Variants in ZNF569 observed in about 807,000 individuals in gnomAD.
The protein encoded by ZNF569 is zinc finger protein 569.
In ZNF569, 38 loss-of-function variants were observed where a neutral mutation model predicts 56.3. The ratio of observed to expected loss-of-function variants is 0.68; its 90% confidence interval spans 0.52 to 0.88. The LOEUF (loss-of-function observed/expected upper bound fraction) is 0.88. ZNF569 is among the 40% of genes least tolerant of loss of function. The pLI is 0.00. For missense variants in ZNF569, 666 were observed against 809.2 expected (o/e 0.82, Z 2.15); for synonymous variants, 241 against 262.9 (o/e 0.92, Z 0.81).
Position 37,455,723 on chromosome 19 carries a change from C to T in ZNF569, c.-44+9590G>A, listed in dbSNP as rs571084025. 3.9e-5 allele frequency among the ~76,000 whole-genome samples: 6 copies of T among 152,242 alleles called. No individual in the cohort carries two copies. The South Asian group carries it at 1.2e-3, about 32-fold the overall frequency. On this transcript the variant is annotated intron_variant, in intron 2 of 5. Transcript: ENST00000316950. ...TTTCCTAGTCTTCTCTCCACTATTT[C>T]CATGTGTCCCCGGATTCCAGGTCCT... is the stretch of plus-strand genomic sequence containing the variant.
At chr19:37,467,867 G>A (rs1285843285), upstream of ZNF569, 1 of 1,536,024 alleles carries the variant, frequency 6.5e-7, no homozygotes. Flanking sequence ...GTTTGATTCT[G>A]ACCTTGCAGT....
At chr19:37,441,314 T>TGG (rs1193154879) in intron 3 of ZNF569, among the ~76,000 whole-genome samples, 1 of 152,110 alleles carries the variant, frequency 6.6e-6, no homozygotes, top group Non-Finnish European at 1.5e-5. Context: ...TAGCTTTCAG[T>TGG]TCCCATGTAG....
At chr19:37,440,581 CAGGTAAAAAAATA>C (rs1335100616) in intron 3 of ZNF569, among the ~76,000 whole-genome samples, 2 of 151,976 alleles carry the variant, frequency 1.3e-5, no homozygotes, top group African/African-American at 4.8e-5. Flanking sequence ...ATGTGAATTT[CAGGTAAAAAAATA>C]AGGTGAAATA....
intron 3 of ZNF569, among the ~76,000 whole-genome samples, chr19:37,432,855 A>C (rs1324503658): frequency 4.6e-5 from 7 of 152,150 alleles, no homozygotes. Flanking sequence ...AATAGAGCCG[A>C]AATTCTGGAG....
chr19:37,451,310 G>T (rs2041588170), intron 2 of ZNF569, among the ~76,000 whole-genome samples: 1 of 150,060 alleles, frequency 6.7e-6, no homozygotes, highest in South Asian at 2.1e-4. Context: ...TGAGGCAGGA[G>T]AATCACTTGA....
At chr19:37,434,107 C>T (rs138173120) in intron 3 of ZNF569, among the ~76,000 whole-genome samples, 10 of 151,930 alleles carry the variant, frequency 6.6e-5, no homozygotes, top group Non-Finnish European at 1.5e-4. Context: ...TGAGACCATT[C>T]TGGCCAACAC....
chr19:37,456,735 G>A (rs1246958921), intron 2 of ZNF569, among the ~76,000 whole-genome samples: 2 of 152,114 alleles, frequency 1.3e-5, no homozygotes, highest in Non-Finnish European at 2.9e-5. Context: ...TTGGGAGGCT[G>A]AGGTGGGCGG....
chr19:37,420,498 C>T lies in ZNF569; in HGVS notation c.238+5370G>A, dbSNP rs117142965. Among the ~76,000 whole-genome samples, 1,050 of 152,254 alleles carry T rather than the reference C, an allele frequency of 6.9e-3. 25 individuals carry two copies. Among genetic ancestry groups the T allele is most frequent in the East Asian group, 0.053 (274 of 5,176 alleles). ...TTGATTTCCACAATTTGCACAGCATCTTCACCAGGAGTAGATCCTAAAGAA... is the reference window on the plus strand; with the variant it reads ...TTGATTTCCACAATTTGCACAGCATTTTCACCAGGAGTAGATCCTAAAGAA... On this transcript the variant is annotated intron_variant, in intron 5 of 5. Coordinates refer to ENST00000316950, the MANE Select transcript of ZNF569 (RefSeq NM_152484.3).
chr19:37,445,319 G>T (rs1366869344), intron 2 of ZNF569, among the ~76,000 whole-genome samples: 2 of 152,146 alleles, frequency 1.3e-5, no homozygotes, highest in Non-Finnish European at 2.9e-5. Flanking sequence ...AATTAAAAAA[G>T]AAGTAGCAAT....
intron 3 of ZNF569, among the ~76,000 whole-genome samples, chr19:37,433,356 GA>G (rs1361702990): frequency 3.3e-5 from 5 of 152,152 alleles, no homozygotes; most frequent in Non-Finnish European, 7.3e-5. Flanking sequence ...GTAAGATCTA[GA>G]AAATAGCTTC....
At chr19:37,459,326 GTAACACCTTACCTA>G (rs912092962) in intron 2 of ZNF569, among the ~76,000 whole-genome samples, 3 of 151,440 alleles carry the variant, frequency 2.0e-5, no homozygotes, top group African/African-American at 7.3e-5. Flanking sequence ...CCAGAGAAAA[GTAACACCTTACCTA>G]TAAAACAACA....
upstream of ZNF569, among the ~76,000 whole-genome samples, chr19:37,468,352 G>C (rs1056808320): frequency 6.6e-6 from 1 of 152,210 alleles, no homozygotes; most frequent in African/African-American, 2.4e-5. Flanking sequence ...GCCTCAAAAA[G>C]TGCTAGGATT....
intron 2 of ZNF569, among the ~76,000 whole-genome samples, chr19:37,454,030 T>C (rs958561439): frequency 6.6e-6 from 1 of 152,170 alleles, no homozygotes; most frequent in Non-Finnish European, 1.5e-5. Context: ...TAAACATGAG[T>C]ATGTCTTTTC....
chr19:37,446,236 T>C (rs1289681658), intron 2 of ZNF569, among the ~76,000 whole-genome samples: 2 of 152,116 alleles, frequency 1.3e-5, no homozygotes, highest in Admixed American at 6.6e-5. Context: ...GCTGGGATAA[T>C]TGGCAAGCCA....
intron 2 of ZNF569, among the ~76,000 whole-genome samples, chr19:37,458,797 G>C (rs993010315): frequency 1.3e-5 from 2 of 152,174 alleles, no homozygotes; most frequent in Admixed American, 6.5e-5. Context: ...GTTAGAAAAA[G>C]AGATGGGTAC....
chr19:37,448,262 C>T (rs893977088), intron 2 of ZNF569, among the ~76,000 whole-genome samples: 2 of 152,302 alleles, frequency 1.3e-5, no homozygotes, highest in African/African-American at 4.8e-5. Context: ...AATAGATATA[C>T]AACTATTCAG....
intron 5 of ZNF569, among the ~76,000 whole-genome samples, chr19:37,416,432 C>T (rs1404795371): frequency 6.6e-6 from 1 of 152,084 alleles, no homozygotes; most frequent in African/African-American, 2.4e-5. Flanking sequence ...CAACTACAGT[C>T]ATCCCTCATT....
Position 37,412,879 on chromosome 19 carries a change from A to C in ZNF569, c.1779T>G (p.Leu593=), listed in dbSNP as rs1235229337. 1 of 1,614,028 alleles carries C rather than the reference A, an allele frequency of 6.2e-7. No homozygotes were observed. The highest frequency in any genetic ancestry group is 1.3e-5 in the African/African-American group (1 of 75,036). The change falls in exon 6 of 6, where the codon CTT becomes CTG. Residue 593 remains leucine (L), a synonymous_variant. Transcript: ENST00000316950. The part of the protein sequence containing the change: ...CGKAFSQRTS[L]IVHMRGHTGE... Reference sequence around the variant, plus strand: ...CTGTATGGCCTCTCATGTGCACAATAAGGGAAGTTCTTTGAGAGAAGGCTT... The same window carrying C: ...CTGTATGGCCTCTCATGTGCACAATCAGGGAAGTTCTTTGAGAGAAGGCTT...
At chr19:37,429,952 G>A (rs897573485) in intron 3 of ZNF569, among the ~76,000 whole-genome samples, 5 of 152,174 alleles carry the variant, frequency 3.3e-5, no homozygotes, top group Non-Finnish European at 7.3e-5. Context: ...CAGTGCTTTG[G>A]GAGGCCAAGG....
Sources: allele counts gnomAD v4.1 joint callset (sites outside exome capture counted in the v4.1 genomes callset), GRCh38; gene constraint gnomAD v4.1.1; transcripts MANE v1.5; gene names NCBI Gene and HGNC (gene_info 2026-07-23, HGNC 2026-07-21).